The following LDLRAD4 variants were observed in gnomAD, a reference collection of about 807,000 sequenced individuals.
The protein encoded by LDLRAD4 is low-density lipoprotein receptor class A domain-containing protein 4.
A neutral mutation model predicts 17.0 loss-of-function variants in LDLRAD4; 5 were observed. That is an observed-to-expected ratio of 0.29 (90% CI 0.15 to 0.62). LDLRAD4 has a LOEUF of 0.62. Ranked by LOEUF, LDLRAD4 falls within the 20% of genes least tolerant of loss-of-function variation. LDLRAD4 has a pLI of 0.84. For synonymous variants in LDLRAD4, 168 were observed against 171.8 expected (o/e 0.98, Z 0.17); for missense variants, 340 against 424.7 (o/e 0.80, Z 1.75).
At chr18:13,481,530 C>A (rs765524641) in intron 3 of LDLRAD4, among the ~76,000 whole-genome samples, 5 of 152,182 alleles carry the variant, frequency 3.3e-5, no homozygotes, top group Non-Finnish European at 7.3e-5. Context: ...TGGTGGCCCT[C>A]GAGCTGTGAC....
intron 3 of LDLRAD4, chr18:13,514,540 G>A (rs1170366411): frequency 6.6e-6 from 1 of 152,240 alleles, no homozygotes; most frequent in Admixed American, 6.5e-5. Flanking sequence ...GACAGACGAG[G>A]TAATGGGAAA....
At chr18:13,422,851 C>G (rs964671986) in intron 2 of LDLRAD4, among the ~76,000 whole-genome samples, 1 of 152,222 alleles carries the variant, frequency 6.6e-6, no homozygotes, top group Non-Finnish European at 1.5e-5. Flanking sequence ...TGTGCTGTGC[C>G]AGGCTGTGGG....
intron 3 of LDLRAD4, chr18:13,491,592 T>A (rs1298365345): frequency 6.6e-6 from 1 of 152,222 alleles, no homozygotes; most frequent in Non-Finnish European, 1.5e-5. Context: ...GTGTTGGTGA[T>A]TGGGATTTAG....
At chr18:13,442,974 A>C (rs2091132450) in intron 3 of LDLRAD4, among the ~76,000 whole-genome samples, 1 of 152,110 alleles carries the variant, frequency 6.6e-6, no homozygotes, top group Non-Finnish European at 1.5e-5. Context: ...GAAAGCAGGG[A>C]GAGGAGCAGC....
At chr18:13,459,086 G>A (rs1306338625) in intron 3 of LDLRAD4, among the ~76,000 whole-genome samples, 4 of 147,038 alleles carry the variant, frequency 2.7e-5, no homozygotes, top group African/African-American at 5.0e-5. Flanking sequence ...TTGGAAGGCC[G>A]AGGTGGGAGA....
At chr18:13,564,602 A>C (rs1427570911) in intron 3 of LDLRAD4, among the ~76,000 whole-genome samples, 1 of 151,230 alleles carries the variant, frequency 6.6e-6, no homozygotes, top group East Asian at 1.9e-4. Flanking sequence ...AAAAAAAAAA[A>C]AAAACTCACA....
chr18:13,579,209 A>T (rs984942233), intron 3 of LDLRAD4, among the ~76,000 whole-genome samples: 1 of 152,192 alleles, frequency 6.6e-6, no homozygotes, highest in South Asian at 2.1e-4. Context: ...AAATAAAAAA[A>T]ATATAATGCT....
intron 3 of LDLRAD4, among the ~76,000 whole-genome samples, chr18:13,565,630 C>G (rs1306238703): frequency 3.9e-5 from 6 of 152,206 alleles, no homozygotes; most frequent in Admixed American, 3.9e-4. Flanking sequence ...CTTTCTCGTG[C>G]CCCTGTCAAC....
At chr18:13,491,369 C>T (rs1021580532) in intron 3 of LDLRAD4, 1 of 152,212 alleles carries the variant, frequency 6.6e-6, no homozygotes, top group African/African-American at 2.4e-5. Context: ...CCGAGTGCAT[C>T]CGTCATGCTC....
At chr18:13,417,950 G>T (rs1479296426) in intron 2 of LDLRAD4, among the ~76,000 whole-genome samples, 3 of 152,108 alleles carry the variant, frequency 2.0e-5, no homozygotes, top group Non-Finnish European at 4.4e-5. Flanking sequence ...GGTTTCTATT[G>T]GTAGACACCA....
At chr18:13,469,081 T>C (rs958036586) in intron 3 of LDLRAD4, among the ~76,000 whole-genome samples, 10 of 152,108 alleles carry the variant, frequency 6.6e-5, no homozygotes, top group African/African-American at 2.4e-4. Flanking sequence ...AGGGCTTAAA[T>C]AGACATTTAT....
chr18:13,248,843 C>A (rs949089480), intron 1 of LDLRAD4, among the ~76,000 whole-genome samples: 3 of 152,164 alleles, frequency 2.0e-5, no homozygotes, highest in African/African-American at 7.2e-5. Flanking sequence ...GTATAGAACA[C>A]TAGAACTCCT....
intron 1 of LDLRAD4, among the ~76,000 whole-genome samples, chr18:13,247,221 AC>A (rs1204744139): frequency 6.6e-6 from 1 of 152,172 alleles, no homozygotes; most frequent in African/African-American, 2.4e-5. Context: ...CCACTTTTTT[AC>A]AAAAAGCTTT....
At chr18:13,531,095 C>G (rs954806118) in intron 3 of LDLRAD4, among the ~76,000 whole-genome samples, 3 of 152,274 alleles carry the variant, frequency 2.0e-5, no homozygotes, top group Admixed American at 2.0e-4. Context: ...CTAGAAGTTG[C>G]TATTCCTTAA....
chr18:13,355,326 A>G (rs913533165), intron 1 of LDLRAD4, among the ~76,000 whole-genome samples: 1 of 152,210 alleles, frequency 6.6e-6, no homozygotes, highest in Non-Finnish European at 1.5e-5. Context: ...TTAGCTTTCC[A>G]TCTGGATAAC....
At chr18:13,334,081 C>CAG (rs2081991166) in intron 1 of LDLRAD4, among the ~76,000 whole-genome samples, 1 of 152,136 alleles carries the variant, frequency 6.6e-6, no homozygotes, top group African/African-American at 2.4e-5. Flanking sequence ...TTTCTTTCAT[C>CAG]AGAGTTTTAT....
intron 1 of LDLRAD4, among the ~76,000 whole-genome samples, chr18:13,287,382 T>C (rs1217369069): frequency 2.0e-5 from 3 of 152,254 alleles, no homozygotes; most frequent in Admixed American, 6.5e-5. Flanking sequence ...TTAACACTTT[T>C]TAACGTTTAG....
At chr18:13,369,188 C>A (rs900887009) in intron 1 of LDLRAD4, among the ~76,000 whole-genome samples, 1 of 152,210 alleles carries the variant, frequency 6.6e-6, no homozygotes, top group African/African-American at 2.4e-5. Flanking sequence ...CTGATCATAG[C>A]GACCACTTAC....
At chr18:13,318,294 C>T (rs549646400) in intron 1 of LDLRAD4, among the ~76,000 whole-genome samples, 1 of 152,128 alleles carries the variant, frequency 6.6e-6, no homozygotes, top group East Asian at 1.9e-4. Flanking sequence ...CAGAGTCTCC[C>T]TCTGTCGCCC....
Sources: allele counts gnomAD v4.1 joint callset (sites outside exome capture counted in the v4.1 genomes callset), GRCh38; gene constraint gnomAD v4.1.1; transcripts MANE v1.5; gene names NCBI Gene and HGNC (gene_info 2026-07-23, HGNC 2026-07-21).